Variants in C1orf105 observed in about 807,000 individuals in gnomAD.
C1orf105 encodes the protein chromosome 1 open reading frame 105.
Under a neutral mutation model 20.8 loss-of-function variants are expected in C1orf105, and 17 were observed. The ratio of observed to expected loss-of-function variants is 0.82; its 90% CI spans 0.56 to 1.23. The LOEUF (loss-of-function observed/expected upper bound fraction) is 1.23, where lower values mean the gene tolerates loss of function less well. Ranked by LOEUF, C1orf105 falls within the 50% of genes most tolerant of loss-of-function variation. The pLI is 0.00. For synonymous variants in C1orf105, 72 were observed against 72.1 expected (o/e 1.00, Z 0.01); for missense variants, 219 against 213.5 (o/e 1.03, Z -0.16).
intron 3 of C1orf105, among the ~76,000 whole-genome samples, chr1:172,454,670 T>C (rs1422729393): frequency 6.6e-6 from 1 of 152,092 alleles, no homozygotes; most frequent in East Asian, 1.9e-4. Flanking sequence ...TCACCATCCT[T>C]GTTCACTCCA....
intron 1 of C1orf105, among the ~76,000 whole-genome samples, chr1:172,421,807 C>CA (rs1573817322): frequency 6.6e-6 from 1 of 152,150 alleles, no homozygotes; most frequent in East Asian, 1.9e-4. Flanking sequence ...CATCCCCTGG[C>CA]AGCAGCCACA....
At chr1:172,426,254 T>C (rs1467303692) in intron 1 of C1orf105, among the ~76,000 whole-genome samples, 1 of 152,214 alleles carries the variant, frequency 6.6e-6, no homozygotes, top group Non-Finnish European at 1.5e-5. Flanking sequence ...CTCACACTGC[T>C]GAGCCTGAAG....
intron 3 of C1orf105, chr1:172,451,240 C>T (rs1648598591): frequency 6.6e-6 from 1 of 152,212 alleles, no homozygotes; most frequent in African/African-American, 2.4e-5. Flanking sequence ...AATGCCACTC[C>T]ACCCTCTCAA....
intron 1 of C1orf105, chr1:172,430,970 A>G: frequency 4.4e-6 from 2 of 458,588 alleles, no homozygotes; most frequent in Non-Finnish European, 3.9e-6. Flanking sequence ...ATACCCATAT[A>G]AGAGGGCAAA....
At chr1:172,455,675 A>G (rs1319974679) in intron 3 of C1orf105, among the ~76,000 whole-genome samples, 1 of 152,194 alleles carries the variant, frequency 6.6e-6, no homozygotes, top group Non-Finnish European at 1.5e-5. Context: ...TGAAGTCAGA[A>G]TAAAAACCAG....
chr1:172,457,975 G>C lies in C1orf105; in HGVS notation c.273+1486G>C, dbSNP rs116070312. On this transcript the variant is annotated intron_variant, in intron 4 of 6. Coordinates refer to ENST00000367727, the MANE Select transcript of C1orf105 (RefSeq NM_139240.4). ...GTCCTCCCAAGGGGAGGGACTGCAGGTCTGCTGTAGTCACTGTGATACCCC... is the reference window on the plus strand; with the variant it reads ...GTCCTCCCAAGGGGAGGGACTGCAGCTCTGCTGTAGTCACTGTGATACCCC... Among the ~76,000 whole-genome samples the C allele has an allele frequency of 5.9e-3, 892 of 152,302 alleles. 10 individuals carry two copies. The highest frequency in any genetic ancestry group is 0.02 in the African/African-American group (844 of 41,560).
At chr1:172,453,091 A>G in intron 3 of C1orf105, 2 of 1,550,816 alleles carry the variant, frequency 1.3e-6, no homozygotes, top group South Asian at 2.4e-5. Flanking sequence ...AGCCTGTCAC[A>G]GCTGCCTTCC....
At position 172,428,820 on chromosome 1, in the gene C1orf105, T is replaced by C; in HGVS notation, c.21+7914T>C. 4.3e-6 allele frequency: 3 copies of C among 699,178 alleles called. No individual in the cohort carries two copies. In the South Asian group the frequency reaches 4.5e-5, roughly 10 times the overall value. The allele number at this position is 699,178 out of a possible 1,614,324, so 43.3% of individuals were successfully genotyped here. On this transcript the variant is annotated intron_variant, in intron 1 of 6. Transcript: ENST00000367727. ...TATATTCCAAGCACACAGAACAGTATTTGTCATACAGTAAGTACTCAAAAA... is the reference window on the plus strand; with the variant it reads ...TATATTCCAAGCACACAGAACAGTACTTGTCATACAGTAAGTACTCAAAAA...
chr1:172,435,539 T>A (rs2072013877), intron 1 of C1orf105, among the ~76,000 whole-genome samples: 1 of 152,132 alleles, frequency 6.6e-6, no homozygotes, highest in Admixed American at 6.5e-5. Context: ...TTGACAAAAT[T>A]CAACAGCCCT....
At chr1:172,452,618 T>C (rs1648776399) in intron 3 of C1orf105, among the ~76,000 whole-genome samples, 1 of 152,264 alleles carries the variant, frequency 6.6e-6, no homozygotes, top group Non-Finnish European at 1.5e-5. Context: ...AAGAAGGCCA[T>C]GGCCTTGGGC....
chr1:172,439,113 G>C (rs149469665), intron 1 of C1orf105, among the ~76,000 whole-genome samples: 1 of 152,116 alleles, frequency 6.6e-6, no homozygotes. Context: ...GTCTGGAACC[G>C]AACCTCAGTA....
chr1:172,452,683 T>C (rs1648786192), intron 3 of C1orf105: 1 of 689,106 alleles, frequency 1.5e-6, no homozygotes, highest in Admixed American at 6.3e-5. Flanking sequence ...ATGAGGATGT[T>C]TCCAATTGTC....
Position 172,468,568 on chromosome 1 carries a change from C to A in C1orf105, c.526C>A (p.Pro176Thr), listed in dbSNP as rs779387264. Residue 176 changes from proline (P) to threonine (T), a missense_variant, in exon 7 of 7, where the codon CCA becomes ACA. Coordinates refer to ENST00000367727, the MANE Select transcript of C1orf105 (RefSeq NM_139240.4). ...RQRSSLPRKE[P>T]IGKTTRQ Reference sequence around the variant, plus strand: ...ACGTTCTTCCTTGCCCAGAAAGGAACCAATAGGCAAGACAACGAGGCAGTG... The same window carrying A: ...ACGTTCTTCCTTGCCCAGAAAGGAAACAATAGGCAAGACAACGAGGCAGTG... 1.9e-6 allele frequency: 3 copies of A among 1,613,604 alleles called. No individual in the cohort carries two copies. Among genetic ancestry groups the A allele is most frequent in the Non-Finnish European group, 2.5e-6 (3 of 1,179,746 alleles).
chr1:172,466,273 G>C (rs1458354555), intron 6 of C1orf105, among the ~76,000 whole-genome samples: 1 of 152,138 alleles, frequency 6.6e-6, no homozygotes, highest in Non-Finnish European at 1.5e-5. Flanking sequence ...CGAGTGGAGT[G>C]AAAGTCTTCC....
intron 1 of C1orf105, chr1:172,431,431 T>C (rs1431786692): frequency 4.6e-6 from 1 of 218,394 alleles, no homozygotes; most frequent in Non-Finnish European, 8.9e-6. Flanking sequence ...CTCTTCTCAA[T>C]TTAACAAAGG....
chr1:172,427,691 T>C (rs1023982354), intron 1 of C1orf105, among the ~76,000 whole-genome samples: 1 of 152,198 alleles, frequency 6.6e-6, no homozygotes, highest in African/African-American at 2.4e-5. Flanking sequence ...GGAGACACAT[T>C]CAGCACTTGG....
intron 1 of C1orf105, chr1:172,444,069 T>A (rs1573858954): frequency 2.0e-6 from 2 of 998,656 alleles, no homozygotes; most frequent in East Asian, 1.1e-4. Context: ...GCTGCGACTG[T>A]GGCCAAGCAC....
chr1:172,437,757 T>TAATAAA (rs1553259029), intron 1 of C1orf105, among the ~76,000 whole-genome samples: 1 of 145,694 alleles, frequency 6.9e-6, no homozygotes, highest in Non-Finnish European at 1.5e-5. Flanking sequence ...ATAATAATAA[T>TAATAAA]AAACAAAACG....
intron 1 of C1orf105, among the ~76,000 whole-genome samples, chr1:172,427,874 A>G (rs546436429): frequency 3.3e-5 from 5 of 152,296 alleles, no homozygotes; most frequent in Non-Finnish European, 7.3e-5. Context: ...TATCATTTAT[A>G]TTGCCAACAA....
Sources: allele counts gnomAD v4.1 joint callset (sites outside exome capture counted in the v4.1 genomes callset), GRCh38; gene constraint gnomAD v4.1.1; transcripts MANE v1.5; gene names NCBI Gene and HGNC (gene_info 2026-07-23, HGNC 2026-07-21).